The following IQGAP2 variants were observed in gnomAD, a reference collection of about 807,000 sequenced individuals.
IQGAP2 encodes the protein ras GTPase-activating-like protein IQGAP2.
Under a neutral mutation model 201.3 loss-of-function variants are expected in IQGAP2, and 173 were observed. The ratio of observed to expected loss-of-function variants is 0.86; its 90% CI spans 0.76 to 0.98. The LOEUF is 0.98. IQGAP2 is among the 50% of genes least tolerant of loss of function. IQGAP2 has a pLI of 0.00. For synonymous variants in IQGAP2, 675 were observed against 673.9 expected, an observed-to-expected ratio of 1.00 and a Z score of -0.03; for missense variants, 1,687 against 1,864.8, an observed-to-expected ratio of 0.90 and a Z score of 1.76.
intron 14 of IQGAP2, among the ~76,000 whole-genome samples, chr5:76,628,313 T>G (rs923049005): frequency 1.3e-5 from 2 of 152,112 alleles, no homozygotes; most frequent in South Asian, 4.1e-4. Context: ...AATGTAGGGG[T>G]TTGTGGAGGT....
At chr5:76,706,832 A>G (rs1747945763) in intron 35 of IQGAP2, among the ~76,000 whole-genome samples, 1 of 152,248 alleles carries the variant, frequency 6.6e-6, no homozygotes, top group Non-Finnish European at 1.5e-5. Flanking sequence ...GGAATTTATT[A>G]AAATGCAAAT....
intron 12 of IQGAP2, chr5:76,608,973 C>A: frequency 1.1e-6 from 1 of 936,024 alleles, no homozygotes; most frequent in Non-Finnish European, 1.6e-6. Context: ...CTGAGTGAAG[C>A]TCAGCAATCT....
chr5:76,557,366 C>G (rs752217784), intron 2 of IQGAP2, among the ~76,000 whole-genome samples: 5 of 152,170 alleles, frequency 3.3e-5, no homozygotes, highest in Non-Finnish European at 7.3e-5. Context: ...ATGGGGTCAT[C>G]ATGAGAAGAT....
intron 2 of IQGAP2, among the ~76,000 whole-genome samples, chr5:76,495,300 G>C (rs1010287458): frequency 2.0e-5 from 3 of 152,220 alleles, no homozygotes; most frequent in African/African-American, 7.2e-5. Flanking sequence ...CGTGGTGTTT[G>C]ATAGTTTAAC....
At chr5:76,551,457 G>C (rs1743510551) in intron 2 of IQGAP2, among the ~76,000 whole-genome samples, 3 of 152,116 alleles carry the variant, frequency 2.0e-5, no homozygotes, top group Admixed American at 6.5e-5. Flanking sequence ...CAGGGTGGCG[G>C]CCGGGCAGAG....
rs534016923 is a variant in IQGAP2 at position 76,524,231 on chromosome 5, A to G, written c.147-38165A>G. Among the ~76,000 whole-genome samples the G allele has an allele frequency of 5.3e-5, 8 of 152,330 alleles. No homozygotes were observed. The South Asian group carries it at 1.0e-3, about 20-fold the overall frequency. Reference sequence around the variant, plus strand: ...CCTTTGGTGTTGAATGAAGTATGCTATACCTTAGCCAGAAGCCTCACTTCT... The same window carrying G: ...CCTTTGGTGTTGAATGAAGTATGCTGTACCTTAGCCAGAAGCCTCACTTCT... On this transcript the variant is annotated intron_variant, in intron 2 of 35. Transcript: ENST00000274364.
At chr5:76,487,202 A>G (rs1379374532) in intron 2 of IQGAP2, among the ~76,000 whole-genome samples, 1 of 151,336 alleles carries the variant, frequency 6.6e-6, no homozygotes, top group Non-Finnish European at 1.5e-5. Flanking sequence ...AGGTTCAAGC[A>G]GTTTTCCTGC....
At chr5:76,586,822 T>C (rs890279820) in intron 5 of IQGAP2, among the ~76,000 whole-genome samples, 1 of 152,208 alleles carries the variant, frequency 6.6e-6, no homozygotes, top group Non-Finnish European at 1.5e-5. Context: ...TCCACTTAGT[T>C]GTCCATACAA....
chr5:76,453,203 C>T (rs924040233), intron 1 of IQGAP2, among the ~76,000 whole-genome samples: 5 of 152,058 alleles, frequency 3.3e-5, no homozygotes, highest in Admixed American at 6.6e-5. Flanking sequence ...TATGAGCCAC[C>T]GCACCCAGCC....
chr5:76,692,539 T>G (rs1746359908), intron 30 of IQGAP2, among the ~76,000 whole-genome samples: 1 of 152,228 alleles, frequency 6.6e-6, no homozygotes, highest in East Asian at 1.9e-4. Flanking sequence ...CTTTAGCTTT[T>G]ATGTTAAAAC....
intron 17 of IQGAP2, among the ~76,000 whole-genome samples, chr5:76,646,043 G>A (rs1056480120): frequency 7.2e-5 from 11 of 152,164 alleles, no homozygotes; most frequent in African/African-American, 2.2e-4. Flanking sequence ...TTTCAGTATG[G>A]ACTAAGGAAG....
At chr5:76,502,886 C>T (rs1226027374) in intron 2 of IQGAP2, among the ~76,000 whole-genome samples, 1 of 151,406 alleles carries the variant, frequency 6.6e-6, no homozygotes, top group Non-Finnish European at 1.5e-5. Flanking sequence ...TAGGCATGCA[C>T]CACCACAGCT....
intron 15 of IQGAP2, among the ~76,000 whole-genome samples, chr5:76,636,678 C>T (rs975169952): frequency 2.0e-5 from 3 of 152,160 alleles, no homozygotes; most frequent in African/African-American, 7.2e-5. Context: ...AGGATCTTGC[C>T]GATTGGTCTC....
intron 13 of IQGAP2, among the ~76,000 whole-genome samples, chr5:76,611,412 T>A (rs930450986): frequency 6.6e-6 from 1 of 152,144 alleles, no homozygotes; most frequent in Non-Finnish European, 1.5e-5. Flanking sequence ...AAAAACTCAG[T>A]TGTAGGTGAG....
intron 5 of IQGAP2, among the ~76,000 whole-genome samples, chr5:76,582,294 C>T (rs1396471227): frequency 6.6e-6 from 1 of 152,228 alleles, no homozygotes; most frequent in East Asian, 1.9e-4. Flanking sequence ...ACAGGCCTCT[C>T]AGCTATTATA....
At chr5:76,492,451 C>T (rs9293685) in intron 2 of IQGAP2, among the ~76,000 whole-genome samples, 6,611 of 152,034 alleles carry the variant, frequency 0.043, 186 homozygotes, top group Non-Finnish European at 0.067. Flanking sequence ...GGTGAAGGAA[C>T]GAGGAGGAGC....
intron 12 of IQGAP2, chr5:76,609,071 T>C (rs1037745965): frequency 2.0e-6 from 3 of 1,528,882 alleles, no homozygotes; most frequent in African/African-American, 2.7e-5. Flanking sequence ...TTTCAGCTCC[T>C]ATGATGTCAT....
At chr5:76,458,327 G>C (rs571646546) in intron 1 of IQGAP2, among the ~76,000 whole-genome samples, 1 of 152,166 alleles carries the variant, frequency 6.6e-6, no homozygotes, top group Non-Finnish European at 1.5e-5. Context: ...CACATCTTAA[G>C]TGAATTATTT....
intron 2 of IQGAP2, among the ~76,000 whole-genome samples, chr5:76,481,250 A>G (rs1755775174): frequency 6.6e-6 from 1 of 152,198 alleles, no homozygotes; most frequent in Non-Finnish European, 1.5e-5. Context: ...ATATAACAGG[A>G]GCCACATGTA....
Sources: gnomAD v4.1 joint callset for allele counts (sites outside exome capture counted in the v4.1 genomes callset) on GRCh38, gnomAD v4.1.1 for gene constraint, MANE v1.5 for transcripts, NCBI Gene and HGNC (gene_info 2026-07-23, HGNC 2026-07-21) for gene names.